The following KLHL32 variants were observed in gnomAD, a reference collection of about 807,000 sequenced individuals.
KLHL32 encodes the protein kelch like family member 32.
KLHL32 carries 35 observed loss-of-function variants against 64.8 expected under a neutral mutation model. The observed-to-expected ratio is 0.54, with a 90% CI of 0.41 to 0.72. KLHL32 has a LOEUF of 0.72. Ranked by LOEUF, KLHL32 falls within the 30% of genes least tolerant of loss-of-function variation. The pLI, the probability that KLHL32 is intolerant of heterozygous loss-of-function variation, is 0.00. For missense variants in KLHL32, 589 were observed against 768.5 expected (o/e 0.77, Z 2.76); for synonymous variants, 259 against 281.0 (o/e 0.92, Z 0.78).
chr6:97,050,991 A>T lies in KLHL32; in HGVS notation c.312+9392A>T, dbSNP rs145774590. Among the ~76,000 whole-genome samples, 688 of 152,322 alleles carry T rather than the reference A, an allele frequency of 4.5e-3. 3 individuals are homozygous for T. Among genetic ancestry groups the T allele is most frequent in the African/African-American group, 0.016 (646 of 41,566 alleles). On this transcript the variant is annotated intron_variant, in intron 4 of 10. Transcript: ENST00000369261. Reference sequence around the variant, plus strand: ...GCACTCCAGCCTGGGCAACAAGAGCAAAACTCCATCTCAAACAAACAAACA... The same window carrying T: ...GCACTCCAGCCTGGGCAACAAGAGCTAAACTCCATCTCAAACAAACAAACA...
chr6:97,001,710 T>C (rs890494007), intron 3 of KLHL32, among the ~76,000 whole-genome samples: 1 of 152,214 alleles, frequency 6.6e-6, no homozygotes, highest in African/African-American at 2.4e-5. Context: ...AAAAACAAAA[T>C]GTATTCCTTT....
chr6:96,966,956 T>G, intron 1 of KLHL32, 40 bp from the exon 2 acceptor site: 1 of 1,006,638 alleles, frequency 9.9e-7, no homozygotes, highest in Non-Finnish European at 1.5e-6. Context: ...CTTTTCTGCA[T>G]TTAGCTCAAT....
chr6:97,134,495 T>C (rs1799779949), intron 10 of KLHL32, among the ~76,000 whole-genome samples: 1 of 152,210 alleles, frequency 6.6e-6, no homozygotes, highest in African/African-American at 2.4e-5. Flanking sequence ...TTTTATTTTT[T>C]GCTTTTCAGA....
At chr6:96,919,974 G>T (rs144072099), upstream of KLHL32, among the ~76,000 whole-genome samples, 50 of 152,266 alleles carry the variant, frequency 3.3e-4, no homozygotes, top group South Asian at 1.2e-3. Flanking sequence ...TCAACCAACC[G>T]AATTTGCTTC....
At chr6:97,082,570 A>G (rs892036617) in intron 5 of KLHL32, among the ~76,000 whole-genome samples, 3 of 151,622 alleles carry the variant, frequency 2.0e-5, no homozygotes, top group Admixed American at 2.0e-4. Context: ...CCAAGATAGC[A>G]CCACTGCACT....
intron 8 of KLHL32, among the ~76,000 whole-genome samples, chr6:97,127,975 C>T (rs573867672): frequency 2.0e-5 from 3 of 152,300 alleles, no homozygotes; most frequent in South Asian, 2.1e-4. Context: ...ATTTCATGTA[C>T]ACCCAATTAC....
intron 3 of KLHL32, among the ~76,000 whole-genome samples, chr6:97,035,051 G>A (rs141865860): frequency 1.1e-4 from 17 of 151,988 alleles, no homozygotes; most frequent in South Asian, 2.1e-4. Context: ...GCGGTCTCTC[G>A]TCTTCTCTTG....
chr6:97,079,847 G>A (rs961703487), intron 5 of KLHL32, among the ~76,000 whole-genome samples: 1 of 151,854 alleles, frequency 6.6e-6, no homozygotes, highest in Non-Finnish European at 1.5e-5. Flanking sequence ...CAGTGTGACA[G>A]AAATGAAACC....
chr6:97,099,239 C>A (rs754292434), intron 6 of KLHL32, among the ~76,000 whole-genome samples: 1 of 152,224 alleles, frequency 6.6e-6, no homozygotes, highest in Non-Finnish European at 1.5e-5. Flanking sequence ...CAGACTGCAC[C>A]CCTCAACGGT....
intron 3 of KLHL32, among the ~76,000 whole-genome samples, chr6:97,021,029 G>C (rs1781914658): frequency 6.6e-6 from 1 of 150,834 alleles, no homozygotes; most frequent in Non-Finnish European, 1.5e-5. Context: ...GAGTCCTCCA[G>C]AGAAGCAGAA....
chr6:96,963,784 G>A lies in KLHL32; in HGVS notation c.-65-3212G>A, dbSNP rs752414900. On this transcript the variant is annotated intron_variant, in intron 1 of 10. Transcript: ENST00000369261. ...ATTCTCTGTTCACCAAAATAATATT[G>A]CCATTATTCAGTGGTTGACCACAAA... 7.6e-4 allele frequency among the ~76,000 whole-genome samples: 116 copies of A among 152,216 alleles called. 1 individual carries two copies. The highest frequency in any genetic ancestry group is 1.7e-3 in the South Asian group (8 of 4,816).
chr6:97,101,993 A>G (rs951090181), intron 6 of KLHL32, among the ~76,000 whole-genome samples: 2 of 152,198 alleles, frequency 1.3e-5, no homozygotes, highest in Admixed American at 1.3e-4. Context: ...CATTGTCTAA[A>G]TATCAGTTTA....
chr6:97,114,746 G>A (rs144196910), intron 7 of KLHL32, among the ~76,000 whole-genome samples: 507 of 152,266 alleles, frequency 3.3e-3, no homozygotes, highest in Middle Eastern at 0.017. Context: ...GGTGGAAATT[G>A]TTGGTCCATC....
chr6:97,050,301 G>T (rs1269223319), intron 4 of KLHL32, among the ~76,000 whole-genome samples: 1 of 152,170 alleles, frequency 6.6e-6, no homozygotes, highest in Non-Finnish European at 1.5e-5. Flanking sequence ...TGATTTGGAT[G>T]TTGAGACTGA....
chr6:97,029,584 C>G (rs1050717799), intron 3 of KLHL32, among the ~76,000 whole-genome samples: 1 of 152,064 alleles, frequency 6.6e-6, no homozygotes, highest in African/African-American at 2.4e-5. Flanking sequence ...AGAAAACCAC[C>G]AACCAAACAT....
chr6:97,052,150 T>C (rs1787019340), intron 4 of KLHL32, among the ~76,000 whole-genome samples: 2 of 152,370 alleles, frequency 1.3e-5, no homozygotes, highest in South Asian at 4.1e-4. Context: ...AAATCCTTTA[T>C]ATTTCAGTGT....
chr6:97,132,066 G>A (rs994092618), intron 9 of KLHL32, among the ~76,000 whole-genome samples: 1 of 152,096 alleles, frequency 6.6e-6, no homozygotes, highest in Non-Finnish European at 1.5e-5. Context: ...TCATTTTGGC[G>A]TGTCAGCATC....
At chr6:96,965,896 A>G (rs1774400992) in intron 1 of KLHL32, among the ~76,000 whole-genome samples, 1 of 152,244 alleles carries the variant, frequency 6.6e-6, no homozygotes, top group Admixed American at 6.5e-5. Context: ...ATAAAAATAT[A>G]GTTGTGTGAA....
At chr6:97,053,245 T>C (rs1787240161) in intron 4 of KLHL32, among the ~76,000 whole-genome samples, 1 of 152,220 alleles carries the variant, frequency 6.6e-6, no homozygotes, top group South Asian at 2.1e-4. Context: ...GTAACTAGAC[T>C]GAATAAAAAG....
Sources: gnomAD v4.1 joint callset for allele counts (sites outside exome capture counted in the v4.1 genomes callset) on GRCh38, gnomAD v4.1.1 for gene constraint, MANE v1.5 for transcripts, NCBI Gene and HGNC (gene_info 2026-07-23, HGNC 2026-07-21) for gene names.